Variants in DACH1 observed in about 807,000 individuals in gnomAD.
DACH1 encodes the protein dachshund homolog 1.
Under a neutral mutation model 54.2 loss-of-function variants are expected in DACH1, and 12 were observed. The ratio of observed to expected loss-of-function variants is 0.22; its 90% CI spans 0.14 to 0.36. The LOEUF is 0.36. DACH1 is among the 10% of genes least tolerant of loss of function. The probability of loss-of-function intolerance (pLI) is 1.00; values close to 1 mark genes in which losing one functional copy is unlikely to be tolerated. For synonymous variants in DACH1, 386 were observed against 366.2 expected (o/e 1.05, Z -0.62); for missense variants, 805 against 929.8 (o/e 0.87, Z 1.75).
intron 6 of DACH1, among the ~76,000 whole-genome samples, chr13:71,502,551 CAA>C (rs1880006811): frequency 6.6e-6 from 1 of 152,180 alleles, no homozygotes; most frequent in South Asian, 2.1e-4. Context: ...GGTAAAAACA[CAA>C]AGTCTACTTA....
chr13:71,588,408 G>A (rs1173634904), intron 3 of DACH1, among the ~76,000 whole-genome samples: 1 of 151,948 alleles, frequency 6.6e-6, no homozygotes, highest in African/African-American at 2.4e-5. Flanking sequence ...AACTCCTCTG[G>A]GAGGTAAAAA....
intron 10 of DACH1, among the ~76,000 whole-genome samples, chr13:71,442,758 C>A (rs1239486871): frequency 2.0e-5 from 3 of 151,816 alleles, no homozygotes; most frequent in South Asian, 2.1e-4. Flanking sequence ...AAGAGATTAA[C>A]AATTATAGAT....
chr13:71,656,952 G>A (rs1485424774), intron 2 of DACH1, among the ~76,000 whole-genome samples: 18 of 38,526 alleles, frequency 4.7e-4, no homozygotes, highest in Non-Finnish European at 1.0e-3. Context: ...ATATATATGC[G>A]CATATAAATA....
intron 1 of DACH1, among the ~76,000 whole-genome samples, chr13:71,718,854 T>G (rs150660282): frequency 9.2e-5 from 14 of 152,306 alleles, no homozygotes; most frequent in African/African-American, 3.4e-4. Flanking sequence ...CATATTTCCT[T>G]AGGATCTTAT....
intron 1 of DACH1, among the ~76,000 whole-genome samples, chr13:71,756,033 A>T (rs950879835): frequency 2.7e-4 from 40 of 149,440 alleles, no homozygotes; most frequent in African/African-American, 8.6e-4. Flanking sequence ...AGACTTTTTT[A>T]TTTTTTTTTT....
chr13:71,575,533 C>T (rs961361366), intron 3 of DACH1, among the ~76,000 whole-genome samples: 1 of 151,926 alleles, frequency 6.6e-6, no homozygotes, highest in South Asian at 2.1e-4. Flanking sequence ...TCACTCATAT[C>T]AGTAGAGATG....
chr13:71,715,716 G>T (rs796279580), intron 1 of DACH1, among the ~76,000 whole-genome samples: 3 of 151,734 alleles, frequency 2.0e-5, no homozygotes, highest in African/African-American at 7.2e-5. Flanking sequence ...TAAATAAAAA[G>T]ACAACTTTCA....
chr13:71,829,174 G>A (rs1594272992), intron 1 of DACH1, among the ~76,000 whole-genome samples: 1 of 151,872 alleles, frequency 6.6e-6, no homozygotes, highest in East Asian at 1.9e-4. Flanking sequence ...TTATATACAT[G>A]CTTTGACCAA....
At chr13:71,687,772 G>C (rs1881258001) in intron 1 of DACH1, among the ~76,000 whole-genome samples, 1 of 151,990 alleles carries the variant, frequency 6.6e-6, no homozygotes, top group Non-Finnish European at 1.5e-5. Context: ...CTATGCCTAG[G>C]TGATTTTTGT....
intron 1 of DACH1, among the ~76,000 whole-genome samples, chr13:71,809,782 A>C (rs1887641759): frequency 6.6e-6 from 1 of 152,174 alleles, no homozygotes; most frequent in South Asian, 2.1e-4. Flanking sequence ...GAAAGGATGC[A>C]ATGGATGGAG....
intron 6 of DACH1, among the ~76,000 whole-genome samples, chr13:71,535,947 G>GA (rs1882757262): frequency 6.6e-6 from 1 of 151,886 alleles, no homozygotes; most frequent in Non-Finnish European, 1.5e-5. Flanking sequence ...CACCAAACTT[G>GA]ACGTAGAAAT....
chr13:71,746,627 G>T (rs1317627313), intron 1 of DACH1, among the ~76,000 whole-genome samples: 2 of 151,886 alleles, frequency 1.3e-5, no homozygotes, highest in African/African-American at 4.8e-5. Context: ...TCTGATAAAA[G>T]AAATGGTATA....
At chr13:71,497,858 TGACACACA>T (rs770914305) in intron 6 of DACH1, among the ~76,000 whole-genome samples, 20 of 66,672 alleles carry the variant, frequency 3.0e-4, no homozygotes, top group South Asian at 7.9e-4. Context: ...AAATATGTGT[TGACACACA>T]CACACACACA....
At chr13:71,707,813 G>A (rs368543341) in intron 1 of DACH1, among the ~76,000 whole-genome samples, 1 of 152,132 alleles carries the variant, frequency 6.6e-6, no homozygotes, top group African/African-American at 2.4e-5. Context: ...CAGAAATCTA[G>A]ATTTAAAAAT....
chr13:71,837,818 G>A (rs1193136378), intron 1 of DACH1, among the ~76,000 whole-genome samples: 1 of 149,438 alleles, frequency 6.7e-6, no homozygotes, highest in African/African-American at 2.5e-5. Context: ...GGAATACTAT[G>A]CAGCCATAAA....
At chr13:71,769,989 C>CCATATATATA (rs1315629511) in intron 1 of DACH1, among the ~76,000 whole-genome samples, 1 of 151,786 alleles carries the variant, frequency 6.6e-6, no homozygotes, top group African/African-American at 2.4e-5. Context: ...CATCAGAAAC[C>CCATATATATA]TATAAACAAT....
chr13:71,633,210 C>G (rs1399655638), intron 2 of DACH1, among the ~76,000 whole-genome samples: 3 of 152,110 alleles, frequency 2.0e-5, no homozygotes, highest in Non-Finnish European at 4.4e-5. Flanking sequence ...TGGCCTTGGA[C>G]CAACCATCCA....
intron 1 of DACH1, among the ~76,000 whole-genome samples, chr13:71,845,048 C>G (rs942110619): frequency 1.8e-4 from 28 of 152,100 alleles, no homozygotes; most frequent in African/African-American, 6.3e-4. Context: ...TGTTCTATAG[C>G]ACTGTAGGGT....
At chr13:71,679,781 G>A (rs770562240) in intron 2 of DACH1, among the ~76,000 whole-genome samples, 2 of 151,850 alleles carry the variant, frequency 1.3e-5, no homozygotes, top group African/African-American at 2.4e-5. Context: ...TCAGGAGATC[G>A]AGACCATCCT....
Sources: gnomAD v4.1 joint callset for allele counts (sites outside exome capture counted in the v4.1 genomes callset) on GRCh38, gnomAD v4.1.1 for gene constraint, MANE v1.5 for transcripts, NCBI Gene and HGNC (gene_info 2026-07-23, HGNC 2026-07-21) for gene names.